Variants in CHODL observed in about 807,000 individuals in gnomAD.
CHODL encodes the protein chondrolectin.
In CHODL, 29 loss-of-function variants were observed where a neutral mutation model predicts 34.5. The observed-to-expected ratio is 0.84, with a 90% confidence interval of 0.63 to 1.15. CHODL has a LOEUF of 1.15. CHODL is among the 50% of genes most tolerant of loss of function. The probability of loss-of-function intolerance (pLI) is 0.00; values close to 1 mark genes in which losing one functional copy is unlikely to be tolerated. For missense variants in CHODL, 332 were observed against 332.5 expected (o/e 1.00, Z 0.01); for synonymous variants, 125 against 116.1 (o/e 1.08, Z -0.49).
chr21:18,100,473 G>T (rs539759466), intron 2 of CHODL, among the ~76,000 whole-genome samples: 1 of 152,162 alleles, frequency 6.6e-6, no homozygotes, highest in African/African-American at 2.4e-5. Context: ...TGTTTGGTTT[G>T]TGAATGAGCT....
intron 2 of CHODL, among the ~76,000 whole-genome samples, chr21:18,192,785 C>A (rs1219974884): frequency 6.6e-6 from 1 of 151,988 alleles, no homozygotes; most frequent in African/African-American, 2.4e-5. Context: ...AAAATTAAAT[C>A]TACTCACTTC....
At chr21:18,036,535 T>G (rs980902031) in intron 2 of CHODL, among the ~76,000 whole-genome samples, 1 of 152,064 alleles carries the variant, frequency 6.6e-6, no homozygotes, top group African/African-American at 2.4e-5. Context: ...TTCCCTGCAC[T>G]GTGGCCTGGA....
At chr21:18,140,295 A>G (rs1688179) in intron 2 of CHODL, among the ~76,000 whole-genome samples, 11,922 of 152,168 alleles carry the variant, frequency 0.078, 1,486 homozygotes, top group African/African-American at 0.27. Flanking sequence ...AAACTTGATA[A>G]TCCCTAAAAT....
At chr21:18,248,056 C>G (rs557419357) in intron 1 of CHODL, among the ~76,000 whole-genome samples, 1 of 151,174 alleles carries the variant, frequency 6.6e-6, no homozygotes, top group Non-Finnish European at 1.5e-5. Context: ...GCAGTGATCC[C>G]CAACCTATTT....
chr21:18,004,696 C>T (rs939326926), intron 1 of CHODL, among the ~76,000 whole-genome samples: 1 of 152,176 alleles, frequency 6.6e-6, no homozygotes, highest in Non-Finnish European at 1.5e-5. Context: ...CTCTTACATA[C>T]CCATACACTA....
intron 2 of CHODL, among the ~76,000 whole-genome samples, chr21:18,141,941 A>G (rs2072808931): frequency 6.6e-6 from 1 of 152,094 alleles, no homozygotes; most frequent in Admixed American, 6.6e-5. Context: ...GCTTCACTTA[A>G]AACTTGAATT....
At chr21:17,922,006 TATG>T (rs992397277) in intron 1 of CHODL, among the ~76,000 whole-genome samples, 2 of 152,168 alleles carry the variant, frequency 1.3e-5, no homozygotes, top group Non-Finnish European at 2.9e-5. Context: ...AGTTATGAAA[TATG>T]ATGCTATTTC....
intron 1 of CHODL, among the ~76,000 whole-genome samples, chr21:17,970,821 G>A (rs901261035): frequency 3.3e-5 from 5 of 152,070 alleles, no homozygotes; most frequent in Admixed American, 6.5e-5. Context: ...ATGCCATGGT[G>A]GTTTGCTACA....
At chr21:18,026,233 C>G (rs925385257) in intron 1 of CHODL, among the ~76,000 whole-genome samples, 4 of 152,156 alleles carry the variant, frequency 2.6e-5, no homozygotes, top group African/African-American at 9.7e-5. Context: ...CTCTCTACAT[C>G]TAACAGATGC....
chr21:18,247,321 G>A (rs955611534), intron 1 of CHODL, among the ~76,000 whole-genome samples: 11 of 152,136 alleles, frequency 7.2e-5, no homozygotes, highest in East Asian at 5.8e-4. Context: ...TACTTGCAAC[G>A]TATGGAATAT....
At chr21:18,037,418 A>G (rs2064324168) in intron 2 of CHODL, among the ~76,000 whole-genome samples, 2 of 151,744 alleles carry the variant, frequency 1.3e-5, no homozygotes, top group South Asian at 4.1e-4. Context: ...GAGTAAGAAC[A>G]ATCTTTTAAA....
intron 1 of CHODL, among the ~76,000 whole-genome samples, chr21:17,995,813 T>G (rs190177610): frequency 6.6e-6 from 1 of 152,228 alleles, no homozygotes; most frequent in Admixed American, 6.5e-5. Flanking sequence ...TGCTGGAGTA[T>G]TGAGAGAAGG....
intron 2 of CHODL, among the ~76,000 whole-genome samples, chr21:18,045,696 T>A (rs971206421): frequency 6.6e-6 from 1 of 151,968 alleles, no homozygotes; most frequent in African/African-American, 2.4e-5. Context: ...GAATCCCCAA[T>A]GCATCAGTAT....
intron 2 of CHODL, among the ~76,000 whole-genome samples, chr21:18,191,376 C>G (rs1459298401): frequency 6.6e-6 from 1 of 152,144 alleles, no homozygotes; most frequent in Non-Finnish European, 1.5e-5. Flanking sequence ...ATAACCTACT[C>G]AGCTAACACA....
chr21:18,057,486 A>G (rs1405452178), intron 2 of CHODL, among the ~76,000 whole-genome samples: 1 of 152,050 alleles, frequency 6.6e-6, no homozygotes, highest in African/African-American at 2.4e-5. Flanking sequence ...TGTTACAATC[A>G]ATGAACCTGA....
Position 18,084,616 on chromosome 21 carries a change from G to A in CHODL, c.-45+56645G>A, listed in dbSNP as rs116637822. Reference sequence around the variant, plus strand: ...TATTGATTTCTGGCTTTATTCCACTGTGGTCTGAGAAGATATTTGATACAA... The same window carrying A: ...TATTGATTTCTGGCTTTATTCCACTATGGTCTGAGAAGATATTTGATACAA... On this transcript the variant is annotated intron_variant, in intron 2 of 6. Transcript: ENST00000400127. Among the ~76,000 whole-genome samples the A allele has an allele frequency of 8.7e-3, 1,319 of 152,150 alleles. 24 individuals are homozygous for A. The highest frequency in any genetic ancestry group is 0.03 in the African/African-American group (1,244 of 41,502).
intron 2 of CHODL, among the ~76,000 whole-genome samples, chr21:18,093,452 G>T (rs547801007): frequency 6.6e-6 from 1 of 152,056 alleles, no homozygotes; most frequent in Admixed American, 6.6e-5. Flanking sequence ...GTATAATACT[G>T]TAGTTGTGGT....
chr21:18,014,819 G>A lies in CHODL; in HGVS notation c.-144-13053G>A, dbSNP rs962973170. Among the ~76,000 whole-genome samples the A allele has an allele frequency of 1.1e-3, 170 of 152,280 alleles. 1 individual carries two copies. The highest frequency in any genetic ancestry group is 3.8e-3 in the African/African-American group (156 of 41,554). ...TCCTGTAAGTCCTGTAGAACTATGT[G>A]CCAATTAAACCACTTTTCTTTATAA... On this transcript the variant is annotated intron_variant, in intron 1 of 6. Transcript: ENST00000400127.
chr21:18,167,309 A>ATTTT (rs71318131), intron 2 of CHODL, among the ~76,000 whole-genome samples: 11,918 of 102,976 alleles, frequency 0.12, 1,708 homozygotes, highest in East Asian at 0.29. Context: ...TTCTATTAAG[A>ATTTT]TTTTTTTTTT....
Sources: gnomAD v4.1 joint callset for allele counts (sites outside exome capture counted in the v4.1 genomes callset) on GRCh38, gnomAD v4.1.1 for gene constraint, MANE v1.5 for transcripts, NCBI Gene and HGNC (gene_info 2026-07-23, HGNC 2026-07-21) for gene names.